The following RPS6KC1 variants were observed in gnomAD, a reference collection of about 807,000 sequenced individuals.
The protein encoded by RPS6KC1 is ribosomal protein S6 kinase C1.
Under a neutral mutation model 103.8 loss-of-function variants are expected in RPS6KC1, and 54 were observed. That is an observed-to-expected ratio of 0.52 (90% confidence interval 0.42 to 0.65). RPS6KC1 has a LOEUF of 0.65. RPS6KC1 is among the 30% of genes least tolerant of loss of function. RPS6KC1 has a pLI of 0.00. For missense variants in RPS6KC1, 1,151 were observed against 1,253.8 expected (o/e 0.92, Z 1.24); for synonymous variants, 439 against 438.7 (o/e 1.00, Z -0.01).
At chr1:213,284,279 G>A in the RPS6KC1 span, among the ~76,000 whole-genome samples, 5 of 152,362 alleles carry the variant, frequency 3.3e-5, no homozygotes, top group African/African-American at 1.2e-4. Context: ...CACTTTGGGA[G>A]CCTGAGGCCA....
the RPS6KC1 span, among the ~76,000 whole-genome samples, chr1:213,805,162 A>G: frequency 6.6e-6 from 1 of 152,244 alleles, no homozygotes; most frequent in South Asian, 2.1e-4. Flanking sequence ...TCTTACCTCC[A>G]GTTGATGACT....
chr1:213,242,868 A>T (rs922782970), intron 12 of RPS6KC1, among the ~76,000 whole-genome samples: 2 of 152,204 alleles, frequency 1.3e-5, no homozygotes, highest in African/African-American at 4.8e-5. Context: ...GTGTGTCCAC[A>T]TATTTATTAT....
chr1:213,297,217 C>A, the RPS6KC1 span, among the ~76,000 whole-genome samples: 1 of 152,196 alleles, frequency 6.6e-6, no homozygotes, highest in South Asian at 2.1e-4. Flanking sequence ...AGACAGAGGA[C>A]TGAGAACTCA....
chr1:213,280,648 A>T, the RPS6KC1 span, among the ~76,000 whole-genome samples: 104 of 152,300 alleles, frequency 6.8e-4, no homozygotes, highest in African/African-American at 2.4e-3. Flanking sequence ...GTAAAGTGAA[A>T]TTAGATGTTT....
At chr1:213,153,518 TTCTG>T (rs1162355262) in intron 6 of RPS6KC1, among the ~76,000 whole-genome samples, 1 of 152,214 alleles carries the variant, frequency 6.6e-6, no homozygotes, top group Non-Finnish European at 1.5e-5. Flanking sequence ...ATTTTGTTGT[TTCTG>T]TCTTATTGTG....
the RPS6KC1 span, among the ~76,000 whole-genome samples, chr1:213,830,339 C>T: frequency 1.3e-5 from 2 of 152,086 alleles, no homozygotes; most frequent in Non-Finnish European, 2.9e-5. Context: ...AATTAATTTT[C>T]CTTTTGAGAA....
At chr1:213,631,824 A>G in the RPS6KC1 span, among the ~76,000 whole-genome samples, 5 of 152,118 alleles carry the variant, frequency 3.3e-5, no homozygotes, top group African/African-American at 1.2e-4. Context: ...CTACAAAACT[A>G]TATTTTAAAA....
intron 8 of RPS6KC1, among the ~76,000 whole-genome samples, chr1:213,228,872 G>A (rs1291001507): frequency 6.6e-6 from 1 of 152,172 alleles, no homozygotes; most frequent in Non-Finnish European, 1.5e-5. Context: ...TAAGAGAAGT[G>A]CTTAGGAGGT....
At chr1:213,813,988 A>T in the RPS6KC1 span, among the ~76,000 whole-genome samples, 1 of 152,228 alleles carries the variant, frequency 6.6e-6, no homozygotes, top group Non-Finnish European at 1.5e-5. Context: ...GAGACCTGAG[A>T]TGCCTATTAA....
intron 4 of RPS6KC1, among the ~76,000 whole-genome samples, chr1:213,107,182 TC>T (rs2082584892): frequency 6.6e-6 from 1 of 152,140 alleles, no homozygotes; most frequent in African/African-American, 2.4e-5. Context: ...CCTCAAGTGA[TC>T]CGCCTGCTTC....
Position 213,180,101 on chromosome 1 carries a change from A to C in RPS6KC1, c.1044+3609A>C, listed in dbSNP as rs560282460. The stretch of plus-strand genomic sequence containing the variant: ...TGGGATTATAAAATCCCTCATTAAC[A>C]TAGATATGCAAAAATTGTATATGAA... On this transcript the variant is annotated intron_variant, in intron 8 of 14. Transcript: ENST00000366960. 2.6e-5 allele frequency among the ~76,000 whole-genome samples: 4 copies of C among 152,286 alleles called. No homozygotes were observed. In the East Asian group the frequency reaches 5.8e-4, roughly 22 times the overall value.
At chr1:213,091,959 C>CTTT (rs34813812) in intron 3 of RPS6KC1, among the ~76,000 whole-genome samples, 3 of 145,322 alleles carry the variant, frequency 2.1e-5, no homozygotes, top group Non-Finnish European at 4.5e-5. Flanking sequence ...CATTACATTT[C>CTTT]TTTTTTTTTT....
intron 6 of RPS6KC1, among the ~76,000 whole-genome samples, chr1:213,156,798 A>G (rs886862877): frequency 6.6e-6 from 1 of 152,158 alleles, no homozygotes; most frequent in Non-Finnish European, 1.5e-5. Flanking sequence ...AGTGATGAGT[A>G]TGTTCTGTTT....
At chr1:213,608,282 C>T in the RPS6KC1 span, among the ~76,000 whole-genome samples, 1 of 152,286 alleles carries the variant, frequency 6.6e-6, no homozygotes, top group African/African-American at 2.4e-5. Flanking sequence ...ACCTGATGTG[C>T]CCAGGTCCCA....
At chr1:213,824,082 C>T in the RPS6KC1 span, among the ~76,000 whole-genome samples, 1 of 152,176 alleles carries the variant, frequency 6.6e-6, no homozygotes, top group Non-Finnish European at 1.5e-5. Flanking sequence ...TTGCTCAAAG[C>T]TCTGAAAATC....
At chr1:213,234,185 A>T (rs1437222160) in intron 10 of RPS6KC1, among the ~76,000 whole-genome samples, 3 of 151,542 alleles carry the variant, frequency 2.0e-5, no homozygotes, top group Admixed American at 6.6e-5. Context: ...AAGTTTTAAA[A>T]TTTTTTGTAG....
At chr1:213,484,520 A>G in the RPS6KC1 span, among the ~76,000 whole-genome samples, 55,443 of 152,126 alleles carry the variant, frequency 0.36, 10,716 homozygotes, top group East Asian at 0.59. Context: ...AAGGTGAGAG[A>G]GCGAGCACCC....
At chr1:213,798,437 A>AGGT in the RPS6KC1 span, among the ~76,000 whole-genome samples, 1 of 152,176 alleles carries the variant, frequency 6.6e-6, no homozygotes, top group Non-Finnish European at 1.5e-5. Flanking sequence ...ACTATTGCAG[A>AGGT]GGTGTGCTCT....
chr1:213,566,086 A>G, the RPS6KC1 span, among the ~76,000 whole-genome samples: 1 of 152,214 alleles, frequency 6.6e-6, no homozygotes, highest in African/African-American at 2.4e-5. Context: ...GGATGAATGC[A>G]GAGATGGATA....
Sources: gnomAD v4.1 joint callset for allele counts (sites outside exome capture counted in the v4.1 genomes callset) on GRCh38, gnomAD v4.1.1 for gene constraint, MANE v1.5 for transcripts, NCBI Gene and HGNC (gene_info 2026-07-23, HGNC 2026-07-21) for gene names.